SLC25A37: variants seen among roughly 807,000 people sequenced by gnomAD.
The protein encoded by SLC25A37 is solute carrier family 25 member 37.
In SLC25A37, 17 loss-of-function variants were observed where a neutral mutation model predicts 31.0. The observed-to-expected ratio is 0.55, with a 90% CI of 0.38 to 0.82. The LOEUF (loss-of-function observed/expected upper bound fraction) is 0.82. SLC25A37 is among the 40% of genes least tolerant of loss of function. SLC25A37 has a pLI of 0.00. For synonymous variants in SLC25A37, 222 were observed against 193.0 expected (o/e 1.15, Z -1.24); for missense variants, 404 against 465.8 (o/e 0.87, Z 1.22).
chr8:23,531,212 A>C (rs1168407887), intron 1 of SLC25A37, among the ~76,000 whole-genome samples: 3 of 152,244 alleles, frequency 2.0e-5, no homozygotes, highest in Non-Finnish European at 2.9e-5. Flanking sequence ...AGGTCTGCCA[A>C]CATCAGCACA....
chr8:23,544,924 C>T (rs1801995689), intron 1 of SLC25A37, among the ~76,000 whole-genome samples: 1 of 152,194 alleles, frequency 6.6e-6, no homozygotes, highest in Admixed American at 6.5e-5. Flanking sequence ...TGGGAACTTT[C>T]ACTGTCGAAC....
chr8:23,566,715 CAAA>C (rs74273493), intron 2 of SLC25A37: 25 of 835,566 alleles, frequency 3.0e-5, no homozygotes, highest in Non-Finnish European at 2.6e-5. Context: ...ATGCTGGATT[CAAA>C]AAAAAAAAAA....
In SLC25A37 at chr8:23,571,816, T is replaced by C. The variant is rs1047384; in HGVS notation, c.978T>C (p.Phe326=). 88,250 of 1,612,262 alleles carry C rather than the reference T, an allele frequency of 0.055. 4,308 individuals are homozygous for C. Among genetic ancestry groups the C allele is most frequent in the East Asian group, 0.22 (10,006 of 44,812 alleles). ...CTGTCTATGAGTTCTTCAAGTACTT[T>C]CTCACCAAGCGCCAGCTGGAAAATC... ...SWSVYEFFKY[F]LTKRQLENRA... The change falls in exon 4 of 4, where the codon TTT becomes TTC. Residue 326 remains phenylalanine, a synonymous_variant. Coordinates refer to ENST00000519973, the MANE Select transcript of SLC25A37 (RefSeq NM_016612.4).
At chr8:23,561,453 A>T (rs1355351824) in intron 1 of SLC25A37, among the ~76,000 whole-genome samples, 1 of 152,176 alleles carries the variant, frequency 6.6e-6, no homozygotes, top group Non-Finnish European at 1.5e-5. Flanking sequence ...TGGGATGGGG[A>T]CAGTCATTAT....
chr8:23,534,438 T>C (rs1398455745), intron 1 of SLC25A37, among the ~76,000 whole-genome samples: 1 of 152,228 alleles, frequency 6.6e-6, no homozygotes, highest in Non-Finnish European at 1.5e-5. Context: ...GATCCTGATT[T>C]TCTTCCTGCT....
rs1401662391 is a variant in SLC25A37 at position 23,566,332 on chromosome 8, C to T, written c.435C>T (p.Ala145=). 6.3e-7 allele frequency: 1 copy of T among 1,597,286 alleles called. No individual in the cohort carries two copies. The highest frequency in any genetic ancestry group is 8.5e-7 in the Non-Finnish European group (1 of 1,174,476). Residue 145 remains alanine, a synonymous_variant, in exon 2 of 4, where the codon GCC becomes GCT. Transcript: ENST00000519973. ...VFHHQGNSHL[A]NGIAGSMATL... ...ACCACCAAGGAAACAGCCACCTAGC[C>T]AACGGTATTTTGAAAGCGTTTGTCT... is the stretch of plus-strand genomic sequence containing the variant.
chr8:23,539,897 T>G (rs918060346), intron 1 of SLC25A37, among the ~76,000 whole-genome samples: 3 of 152,244 alleles, frequency 2.0e-5, no homozygotes, highest in Admixed American at 2.0e-4. Flanking sequence ...ATTTTTCTCA[T>G]CTATAAAATG....
chr8:23,541,863 G>A (rs1801902639), intron 1 of SLC25A37: 1 of 152,314 alleles, frequency 6.6e-6, no homozygotes, highest in Admixed American at 6.5e-5. Flanking sequence ...GCCAGTGCGT[G>A]TATATACATA....
rs1387828820 is a variant in SLC25A37, at chr8:23,573,864, G to A, written c.*2009G>A. ...AACCAGTTGCAGCCTCAACCCACAT[G>A]GGGATGTAGAAAGCCGTAAAGTCCA... is the stretch of plus-strand genomic sequence containing the variant. On this transcript the variant is annotated 3_prime_UTR_variant, in exon 4 of 4. Coordinates refer to ENST00000519973, the MANE Select transcript of SLC25A37 (RefSeq NM_016612.4). The A allele has an allele frequency of 4.4e-6, 2 of 456,680 alleles. No homozygotes were observed. Among genetic ancestry groups the A allele is most frequent in the Non-Finnish European group, 8.8e-6 (2 of 226,952 alleles). The allele number at this position is 456,680 out of a possible 1,614,324, so 28.3% of individuals were successfully genotyped here.
intron 1 of SLC25A37, among the ~76,000 whole-genome samples, chr8:23,533,906 G>A (rs1165750998): frequency 2.0e-5 from 3 of 151,822 alleles, no homozygotes; most frequent in African/African-American, 7.3e-5. Context: ...CATAGGAGGG[G>A]TATATCCAAT....
Position 23,528,960 on chromosome 8 carries a change from C to T in SLC25A37, c.-43C>T. 1 of 1,409,504 alleles carries T rather than the reference C, an allele frequency of 7.1e-7. No individual in the cohort carries two copies. Among genetic ancestry groups the T allele is most frequent in the Non-Finnish European group, 9.3e-7 (1 of 1,078,584 alleles). The allele number at this position is 1,409,504 out of a possible 1,614,324, so 87.3% of individuals were successfully genotyped here. A position where few individuals can be genotyped will look rare whatever the true frequency, so the allele number is the denominator to read the frequency against. ...TGAAGTTTTGCGCCCCTCCCCCTCC[C>T]TGCCCACCTCCTGCAGCCTCCTGCG... On this transcript the variant is annotated 5_prime_UTR_variant, in exon 1 of 4. Transcript: ENST00000519973.
chr8:23,572,789 C>T lies in SLC25A37; in HGVS notation c.*934C>T, dbSNP rs1221412471. 7 of 152,150 alleles carry T rather than the reference C, an allele frequency of 4.6e-5. No homozygotes were observed. In the East Asian group the frequency reaches 1.4e-3, roughly 29 times the overall value. The allele number at this position is 152,150 out of a possible 1,614,324, so 9.4% of individuals were successfully genotyped here. On this transcript the variant is annotated 3_prime_UTR_variant, in exon 4 of 4. Coordinates refer to ENST00000519973, the MANE Select transcript of SLC25A37 (RefSeq NM_016612.4). ...TCGCCCGCTGGAGGGTGGTGGAGCC[C>T]AGTAGAATTGGGGTGACTGGGCATA...
chr8:23,566,294 A>G lies in SLC25A37; in HGVS notation c.397A>G (p.Asn133Asp). ...ACYENMKRTL[N>D]DVFHHQGNSH... ...CTATGAAAACATGAAAAGGACTTTA[A>G]ATGACGTTTTCCACCACCAAGGAAA... Residue 133 changes from asparagine (N) to aspartate (D), a missense_variant, in exon 2 of 4, where the codon AAT becomes GAT. By Grantham distance (23) the Asn-to-Asp change is conservative. This residue lies in a region of SLC25A37 where 243 missense variants were observed against 284.4 expected (regional missense o/e 0.85). Coordinates refer to ENST00000519973, the MANE Select transcript of SLC25A37 (RefSeq NM_016612.4). 2.2e-5 allele frequency: 35 copies of G among 1,597,180 alleles called. No homozygotes were observed. Among genetic ancestry groups the G allele is most frequent in the Non-Finnish European group, 2.9e-5 (34 of 1,173,958 alleles).
intron 1 of SLC25A37, among the ~76,000 whole-genome samples, chr8:23,562,825 C>T (rs1802551917): frequency 6.6e-6 from 1 of 152,214 alleles, no homozygotes; most frequent in Admixed American, 6.5e-5. Flanking sequence ...AATTCAGCCC[C>T]AGTTCTCTCT....
rs1802861797 is a variant in SLC25A37, at chr8:23,571,918, C to G, written c.*63C>G. The G allele has an allele frequency of 1.4e-5, 22 of 1,550,918 alleles. No homozygotes were observed. The highest frequency in any genetic ancestry group is 1.8e-5 in the Non-Finnish European group (21 of 1,144,322). On this transcript the variant is annotated 3_prime_UTR_variant, in exon 4 of 4. Coordinates refer to ENST00000519973, the MANE Select transcript of SLC25A37 (RefSeq NM_016612.4). ...CTGCCTGCATCCAGCCCCTTGCCCT[C>G]TCCTCACACGTAGATCATTTTTTTT...
intron 1 of SLC25A37, among the ~76,000 whole-genome samples, chr8:23,563,062 C>T (rs1483236294): frequency 6.6e-6 from 1 of 152,218 alleles, no homozygotes; most frequent in Non-Finnish European, 1.5e-5. Flanking sequence ...AACAGCCACT[C>T]GGGAGCTGAA....
chr8:23,546,872 T>G (rs1802082020), intron 1 of SLC25A37, among the ~76,000 whole-genome samples: 1 of 151,996 alleles, frequency 6.6e-6, no homozygotes, highest in South Asian at 2.1e-4. Context: ...AACTGTAATT[T>G]GCTATTATGG....
chr8:23,571,398 C>G lies in SLC25A37; in HGVS notation c.560C>G (p.Thr187Arg). ...QHRSAISCIR[T>R]VWRTEGLGAF... Reference sequence around the variant, plus strand: ...CGGTCAGCAATCAGCTGCATCCGGACGGTGTGGAGGACCGAGGGGTTGGGG... The same window carrying G: ...CGGTCAGCAATCAGCTGCATCCGGAGGGTGTGGAGGACCGAGGGGTTGGGG... Residue 187 changes from threonine (T) to arginine (R), a missense_variant, in exon 4 of 4, where the codon ACG becomes AGG. Around this residue, in one of 3 missense-constraint regions of SLC25A37, gnomAD observed 243 missense variants for 284.4 expected, o/e 0.85. Coordinates refer to ENST00000519973, the MANE Select transcript of SLC25A37 (RefSeq NM_016612.4). 1 of 1,613,258 alleles carries G rather than the reference C, an allele frequency of 6.2e-7. No individual in the cohort carries two copies. Among genetic ancestry groups the G allele is most frequent in the South Asian group, 1.1e-5 (1 of 90,966 alleles).
intron 1 of SLC25A37, among the ~76,000 whole-genome samples, chr8:23,564,570 A>C (rs770221263): frequency 2.0e-5 from 3 of 151,536 alleles, no homozygotes; most frequent in Non-Finnish European, 4.4e-5. Flanking sequence ...GAAGGAGGGA[A>C]TGTAGTGACT....
Sources: allele counts gnomAD v4.1 joint callset (sites outside exome capture counted in the v4.1 genomes callset), GRCh38; gene constraint gnomAD v4.1.1; regional missense constraint gnomAD v4.1.1; transcripts MANE v1.5; gene names NCBI Gene and HGNC (gene_info 2026-07-23, HGNC 2026-07-21).